TTC28: variants seen among roughly 807,000 people sequenced by gnomAD.
The protein encoded by TTC28 is tetratricopeptide repeat protein 28.
A neutral mutation model predicts 198.0 loss-of-function variants in TTC28; 61 were observed. That is an observed-to-expected ratio of 0.31 (90% CI 0.25 to 0.38). TTC28 has a LOEUF of 0.38. TTC28 is among the 10% of genes least tolerant of loss of function. The pLI, the probability that TTC28 is intolerant of heterozygous loss-of-function variation, is 1.00. For synonymous variants in TTC28, 1,171 were observed against 1,297.8 expected, an observed-to-expected ratio of 0.90 and a Z score of 2.10; for missense variants, 2,678 against 3,164.0, an observed-to-expected ratio of 0.85 and a Z score of 3.69.
chr22:28,456,910 T>TG (rs1441035476), intron 2 of TTC28, among the ~76,000 whole-genome samples: 2 of 152,188 alleles, frequency 1.3e-5, no homozygotes, highest in African/African-American at 4.8e-5. Context: ...AGCTACCACT[T>TG]GTCTTCCATA....
At chr22:28,371,598 A>ATT (rs1409625873) in intron 2 of TTC28, among the ~76,000 whole-genome samples, 3 of 27,762 alleles carry the variant, frequency 1.1e-4, no homozygotes, top group Admixed American at 9.3e-4. Context: ...AAAAAAAAAA[A>ATT]TTTTTTTTTT....
chr22:28,246,956 G>A (rs570756185), intron 5 of TTC28, among the ~76,000 whole-genome samples: 5 of 152,246 alleles, frequency 3.3e-5, no homozygotes, highest in African/African-American at 9.6e-5. Flanking sequence ...TGCATTTCTT[G>A]AAAGTAAACA....
chr22:28,576,325 G>A (rs773773422), intron 2 of TTC28, among the ~76,000 whole-genome samples: 7 of 152,006 alleles, frequency 4.6e-5, no homozygotes, highest in Non-Finnish European at 1.0e-4. Context: ...TTGCAACACT[G>A]GGATAAATTT....
chr22:28,501,922 A>T (rs2048543356), intron 2 of TTC28, among the ~76,000 whole-genome samples: 1 of 152,136 alleles, frequency 6.6e-6, no homozygotes, highest in South Asian at 2.1e-4. Flanking sequence ...AATTTTTTTA[A>T]ATGCCATTAA....
chr22:28,391,604 G>C (rs1400673912), intron 2 of TTC28, among the ~76,000 whole-genome samples: 1 of 151,784 alleles, frequency 6.6e-6, no homozygotes, highest in East Asian at 1.9e-4. Context: ...ATCTTCCATC[G>C]CTGATACCCT....
At chr22:28,535,087 G>A (rs1429123004) in intron 2 of TTC28, among the ~76,000 whole-genome samples, 4 of 151,800 alleles carry the variant, frequency 2.6e-5, no homozygotes, top group East Asian at 1.9e-4. Context: ...GAAAGATGAC[G>A]GCTCTAGGAA....
Position 27,999,211 on chromosome 22 carries a change from G to T in TTC28, c.4448C>A (p.Ala1483Glu). 1 of 1,550,952 alleles carries T rather than the reference G, an allele frequency of 6.4e-7. No homozygotes were observed. The highest frequency in any genetic ancestry group is 8.7e-7 in the Non-Finnish European group (1 of 1,146,960). Residue 1483 changes from alanine (A) to glutamate (E), a missense_variant, in exon 16 of 23, where the codon GCG becomes GAG. Transcript: ENST00000397906. Reference protein sequence around the residue: ...PPTYSSSTSMAAVIGNPKLPS... With the variant: ...PPTYSSSTSMEAVIGNPKLPS... ...TAGCTTGGGGTTGCCGATGACAGCC[G>T]CCATGGATGTGGAGCTGGAGTATGT...
At chr22:28,360,476 A>C (rs2046141294) in intron 2 of TTC28, among the ~76,000 whole-genome samples, 1 of 152,234 alleles carries the variant, frequency 6.6e-6, no homozygotes. Context: ...GATATGTTGG[A>C]ATGGCAGTTG....
intron 5 of TTC28, among the ~76,000 whole-genome samples, chr22:28,233,576 G>A (rs982865646): frequency 2.6e-5 from 4 of 152,076 alleles, no homozygotes; most frequent in Non-Finnish European, 5.9e-5. Flanking sequence ...TGTATTCCAA[G>A]TATTCTTCAG....
chr22:28,387,323 T>C (rs1343559549), intron 2 of TTC28, among the ~76,000 whole-genome samples: 3 of 152,354 alleles, frequency 2.0e-5, no homozygotes, highest in East Asian at 3.9e-4. Context: ...TGTGTCTTTA[T>C]AGCAGCATGA....
intron 2 of TTC28, among the ~76,000 whole-genome samples, chr22:28,468,440 T>TC (rs911694533): frequency 2.0e-5 from 3 of 152,040 alleles, no homozygotes; most frequent in African/African-American, 4.8e-5. Flanking sequence ...ATGTCTCCTC[T>TC]CCCCCATCTA....
rs1454741552 is a variant in TTC28, at chr22:27,983,716, C to G, written c.5951G>C (p.Ser1984Thr). Residue 1984 changes from serine to threonine, a missense_variant, in exon 23 of 23, where the codon AGC becomes ACC. This residue lies in a region of TTC28 where 622 missense variants were observed against 656.0 expected (regional missense o/e 0.95). Coordinates refer to ENST00000397906, the MANE Select transcript of TTC28 (RefSeq NM_001145418.2). ...CACAGAGATGGCATCTGAGGCGATG[C>G]TGTCCGCACCGGTGGGAGAGAAGGG... ...QPPFSPTGAD[S>T]IASDAISVYS... The G allele has an allele frequency of 6.4e-7, 1 of 1,551,296 alleles. No individual in the cohort carries two copies. The highest frequency in any genetic ancestry group is 8.7e-7 in the Non-Finnish European group (1 of 1,146,800).
chr22:28,146,246 G>A (rs1256057113), intron 6 of TTC28, among the ~76,000 whole-genome samples: 1 of 152,204 alleles, frequency 6.6e-6, no homozygotes, highest in South Asian at 2.1e-4. Flanking sequence ...TCTGCTACAA[G>A]AAGAAGGGAA....
At chr22:28,551,207 A>G (rs2049665183) in intron 2 of TTC28, among the ~76,000 whole-genome samples, 1 of 152,158 alleles carries the variant, frequency 6.6e-6, no homozygotes. Flanking sequence ...GGACAGACCA[A>G]TAACAGCAGC....
chr22:28,192,832 G>A (rs1475285419), intron 5 of TTC28, among the ~76,000 whole-genome samples: 1 of 152,206 alleles, frequency 6.6e-6, no homozygotes, highest in East Asian at 1.9e-4. Flanking sequence ...ACCTGAAAGT[G>A]ACTGAGAGAA....
At chr22:28,081,174 CACAT>C (rs1320349437) in intron 12 of TTC28, among the ~76,000 whole-genome samples, 1 of 149,096 alleles carries the variant, frequency 6.7e-6, no homozygotes, top group African/African-American at 2.5e-5. Context: ...CACACACACA[CACAT>C]ATTTATGTAC....
intron 1 of TTC28, among the ~76,000 whole-genome samples, chr22:28,637,735 A>C (rs1252993821): frequency 6.6e-6 from 1 of 152,018 alleles, no homozygotes; most frequent in Non-Finnish European, 1.5e-5. Context: ...AAAATTCAGG[A>C]CACAATAAAA....
At chr22:28,271,552 T>A (rs896035415) in intron 5 of TTC28, among the ~76,000 whole-genome samples, 1 of 152,122 alleles carries the variant, frequency 6.6e-6, no homozygotes, top group East Asian at 1.9e-4. Flanking sequence ...GATAACTGAT[T>A]CATGGGGGCG....
In TTC28 at chr22:28,269,812, A is replaced by G. The variant is rs1002162702; in HGVS notation, c.933+26386T>C. Reference sequence around the variant, plus strand: ...CCAAGTCTCACATAAGAAGGGGACAACTAGTGTTCTGGATCCAAATCCAAC... The same window carrying G: ...CCAAGTCTCACATAAGAAGGGGACAGCTAGTGTTCTGGATCCAAATCCAAC... On this transcript the variant is annotated intron_variant, in intron 5 of 22. Transcript: ENST00000397906. Among the ~76,000 whole-genome samples the G allele has an allele frequency of 2.6e-5, 4 of 152,342 alleles. No homozygotes were observed. The East Asian group carries it at 5.8e-4, about 22-fold the overall frequency.
Sources: gnomAD v4.1 joint callset for allele counts (sites outside exome capture counted in the v4.1 genomes callset) on GRCh38, gnomAD v4.1.1 for gene constraint, gnomAD v4.1.1 regional missense constraint, MANE v1.5 for transcripts, NCBI Gene and HGNC (gene_info 2026-07-23, HGNC 2026-07-21) for gene names.